The following WWOX variants were observed in gnomAD, a reference collection of about 807,000 sequenced individuals.
The protein encoded by WWOX is WW domain containing oxidoreductase.
Under a neutral mutation model 46.2 loss-of-function variants are expected in WWOX, and 69 were observed. The ratio of observed to expected loss-of-function variants is 1.49; its 90% CI spans 1.23 to 1.82. The LOEUF (loss-of-function observed/expected upper bound fraction) is 1.82. WWOX is among the 40% of genes most tolerant of loss of function. WWOX has a pLI of 0.00. For synonymous variants in WWOX, 359 were observed against 202.6 expected (o/e 1.77, Z -6.56); for missense variants, 919 against 542.6 (o/e 1.69, Z -6.89).
At chr16:78,906,682 G>T (rs1230553918) in intron 8 of WWOX, among the ~76,000 whole-genome samples, 1 of 152,212 alleles carries the variant, frequency 6.6e-6, no homozygotes, top group East Asian at 1.9e-4. Context: ...TTTTGTTGTG[G>T]TGTGGGAAGG....
At chr16:78,663,605 A>G (rs1196857264) in intron 8 of WWOX, among the ~76,000 whole-genome samples, 1 of 152,158 alleles carries the variant, frequency 6.6e-6, no homozygotes, top group Admixed American at 6.6e-5. Flanking sequence ...TTCTATTTTC[A>G]TTCCAATATC....
At chr16:78,906,308 C>G (rs1355840795) in intron 8 of WWOX, among the ~76,000 whole-genome samples, 1 of 152,144 alleles carries the variant, frequency 6.6e-6, no homozygotes, top group African/African-American at 2.4e-5. Flanking sequence ...GCCTCTTGGC[C>G]TTGAATAAGA....
At chr16:78,218,912 C>T (rs904177768) in intron 5 of WWOX, among the ~76,000 whole-genome samples, 20 of 152,246 alleles carry the variant, frequency 1.3e-4, no homozygotes, top group African/African-American at 4.6e-4. Context: ...TAGAGGAAAG[C>T]AAGGTGGATT....
chr16:78,401,814 C>T (rs1466135043), intron 6 of WWOX, among the ~76,000 whole-genome samples: 1 of 152,128 alleles, frequency 6.6e-6, no homozygotes, highest in Non-Finnish European at 1.5e-5. Context: ...ATTCTCCTGC[C>T]TCAGCCTACT....
chr16:78,755,929 G>T (rs1462479620), intron 8 of WWOX, among the ~76,000 whole-genome samples: 1 of 152,140 alleles, frequency 6.6e-6, no homozygotes, highest in Non-Finnish European at 1.5e-5. Context: ...ATGATGAGAA[G>T]AACATATGCC....
At chr16:78,928,846 A>G (rs889520778) in intron 8 of WWOX, among the ~76,000 whole-genome samples, 2 of 152,196 alleles carry the variant, frequency 1.3e-5, no homozygotes, top group Non-Finnish European at 2.9e-5. Flanking sequence ...TTCTCTGTCA[A>G]GAGAATTATA....
intron 8 of WWOX, among the ~76,000 whole-genome samples, chr16:78,565,887 C>A (rs1364403735): frequency 6.7e-6 from 1 of 150,186 alleles, no homozygotes; most frequent in Non-Finnish European, 1.5e-5. Flanking sequence ...AAGACCATCA[C>A]ATTTTTCATC....
intron 8 of WWOX, among the ~76,000 whole-genome samples, chr16:78,827,961 A>T (rs1209106234): frequency 6.6e-6 from 1 of 152,194 alleles, no homozygotes; most frequent in Non-Finnish European, 1.5e-5. Context: ...GGTTGACATG[A>T]CTGGGGACAG....
intron 8 of WWOX, among the ~76,000 whole-genome samples, chr16:78,613,257 C>T (rs1370630863): frequency 3.9e-5 from 6 of 152,098 alleles, no homozygotes; most frequent in South Asian, 2.1e-4. Context: ...CTACCTTCTC[C>T]GGGCCTAGGG....
At chr16:79,075,033 G>A (rs930550693) in intron 8 of WWOX, among the ~76,000 whole-genome samples, 1 of 152,164 alleles carries the variant, frequency 6.6e-6, no homozygotes, top group African/African-American at 2.4e-5. Flanking sequence ...AGACCCCAGA[G>A]AAACTCAGTA....
chr16:79,089,358 G>A (rs1179371225), intron 8 of WWOX, among the ~76,000 whole-genome samples: 1 of 147,162 alleles, frequency 6.8e-6, no homozygotes, highest in African/African-American at 2.5e-5. Flanking sequence ...TTGAGGCAGA[G>A]TCTAGCTCTG....
At chr16:78,199,543 A>C (rs1016742522) in intron 5 of WWOX, among the ~76,000 whole-genome samples, 2 of 152,142 alleles carry the variant, frequency 1.3e-5, no homozygotes, top group Non-Finnish European at 2.9e-5. Context: ...CAGTGTTCTC[A>C]TGGGCTCTTC....
intron 5 of WWOX, among the ~76,000 whole-genome samples, chr16:78,176,310 C>G (rs918561417): frequency 6.6e-6 from 1 of 152,136 alleles, no homozygotes; most frequent in Admixed American, 6.5e-5. Flanking sequence ...TAACCCCTGT[C>G]CCTCTTTTTA....
intron 6 of WWOX, among the ~76,000 whole-genome samples, chr16:78,410,853 A>G (rs1275303532): frequency 6.6e-6 from 1 of 151,488 alleles, no homozygotes; most frequent in East Asian, 1.9e-4. Context: ...AGGTCATCTC[A>G]AGTCTTGACT....
At chr16:79,052,102 A>G (rs1019799190) in intron 8 of WWOX, among the ~76,000 whole-genome samples, 30 of 151,212 alleles carry the variant, frequency 2.0e-4, no homozygotes, top group African/African-American at 6.3e-4. Context: ...GGTTAGTTAC[A>G]TATGTATACA....
chr16:78,723,874 A>G (rs1339502599), intron 8 of WWOX, among the ~76,000 whole-genome samples: 1 of 152,232 alleles, frequency 6.6e-6, no homozygotes, highest in East Asian at 1.9e-4. Context: ...TCTGTAAAAA[A>G]TGAGGATTTG....
chr16:78,757,830 T>C (rs2049693444), intron 8 of WWOX, among the ~76,000 whole-genome samples: 1 of 152,080 alleles, frequency 6.6e-6, no homozygotes, highest in African/African-American at 2.4e-5. Context: ...TTCTTCAGCC[T>C]CTTCTGACAA....
intron 5 of WWOX, among the ~76,000 whole-genome samples, chr16:78,298,723 G>A (rs558532856): frequency 3.4e-4 from 51 of 152,022 alleles, no homozygotes; most frequent in African/African-American, 1.1e-3. Flanking sequence ...CCTGGGAGGC[G>A]GAGGTTGTGG....
chr16:78,568,779 C>T (rs1408601986), intron 8 of WWOX, among the ~76,000 whole-genome samples: 2 of 152,178 alleles, frequency 1.3e-5, no homozygotes, highest in African/African-American at 4.8e-5. Context: ...CCAGCCCCAA[C>T]TTCTTAAAAG....
Sources: gnomAD v4.1 joint callset for allele counts (sites outside exome capture counted in the v4.1 genomes callset) on GRCh38, gnomAD v4.1.1 for gene constraint, MANE v1.5 for transcripts, NCBI Gene and HGNC (gene_info 2026-07-23, HGNC 2026-07-21) for gene names.